Variants in OLFM3 observed in about 807,000 individuals in gnomAD.
OLFM3 encodes the protein olfactomedin 3.
A neutral mutation model predicts 48.6 loss-of-function variants in OLFM3; 20 were observed. The ratio of observed to expected loss-of-function variants is 0.41; its 90% CI spans 0.29 to 0.60. The LOEUF (loss-of-function observed/expected upper bound fraction) is 0.60. Ranked by LOEUF, OLFM3 falls within the 20% of genes least tolerant of loss-of-function variation. OLFM3 has a pLI of 0.28. For missense variants in OLFM3, 437 were observed against 544.3 expected (o/e 0.80, Z 1.96); for synonymous variants, 222 against 198.1 (o/e 1.12, Z -1.01).
At chr1:101,907,726 C>A (rs1460170182) in intron 1 of OLFM3, among the ~76,000 whole-genome samples, 2 of 152,166 alleles carry the variant, frequency 1.3e-5, no homozygotes, top group Non-Finnish European at 2.9e-5. Context: ...AGACAAAAGT[C>A]GCTAATCAGT....
chr1:101,988,331 A>C (rs2101117874), intron 1 of OLFM3, among the ~76,000 whole-genome samples: 1 of 152,232 alleles, frequency 6.6e-6, no homozygotes. Context: ...GCATCATGAA[A>C]CACAGATAAT....
chr1:101,984,100 C>T (rs748019503), intron 1 of OLFM3, among the ~76,000 whole-genome samples: 1 of 151,948 alleles, frequency 6.6e-6, no homozygotes, highest in Non-Finnish European at 1.5e-5. Flanking sequence ...ATTAGCTGAG[C>T]GTGGTGCCAC....
At chr1:101,994,935 A>T (rs1157265248) in intron 1 of OLFM3, among the ~76,000 whole-genome samples, 2 of 152,046 alleles carry the variant, frequency 1.3e-5, no homozygotes, top group Admixed American at 1.3e-4. Context: ...GAATACACAC[A>T]AATAAACTCA....
intron 4 of OLFM3, among the ~76,000 whole-genome samples, chr1:101,814,803 A>G (rs969336790): frequency 6.6e-6 from 1 of 152,224 alleles, no homozygotes; most frequent in African/African-American, 2.4e-5. Context: ...AAGATTAAAT[A>G]AAAAATATGG....
chr1:101,956,893 T>C (rs1466339760), intron 1 of OLFM3, among the ~76,000 whole-genome samples: 2 of 151,900 alleles, frequency 1.3e-5, no homozygotes, highest in South Asian at 2.1e-4. Context: ...TGACATGATA[T>C]AATAACTAAT....
chr1:101,957,925 G>T (rs1384806980), intron 1 of OLFM3, among the ~76,000 whole-genome samples: 4 of 152,042 alleles, frequency 2.6e-5, no homozygotes, highest in African/African-American at 9.7e-5. Flanking sequence ...CATAATGCCT[G>T]CATTTAACTG....
intron 1 of OLFM3, among the ~76,000 whole-genome samples, chr1:101,958,009 C>T (rs948216854): frequency 6.6e-6 from 1 of 152,002 alleles, no homozygotes; most frequent in Non-Finnish European, 1.5e-5. Context: ...ATTTATGTGG[C>T]TAAATGAATG....
At chr1:101,939,624 T>G (rs1659726055) in intron 1 of OLFM3, among the ~76,000 whole-genome samples, 1 of 152,170 alleles carries the variant, frequency 6.6e-6, no homozygotes, top group African/African-American at 2.4e-5. Flanking sequence ...ATTGAAAGTC[T>G]ATCATATGGA....
chr1:101,835,277 A>G (rs1306362356), intron 2 of OLFM3, among the ~76,000 whole-genome samples: 1 of 152,240 alleles, frequency 6.6e-6, no homozygotes, highest in African/African-American at 2.4e-5. Flanking sequence ...AACAAAATAT[A>G]TATTTGAATT....
chr1:101,804,526 C>G lies in OLFM3; in HGVS notation c.1089G>C (p.Lys363Asn), dbSNP rs193048401. ...QLNQDTLEVM[K>N]SWSTGYPKRS... The stretch of plus-strand genomic sequence containing the variant: ...TCTTGGGGTAGCCAGTGCTCCAGCT[C>G]TTCATCACCTCCAAGGTATCTTGGT... Residue 363 changes from lysine to asparagine, a missense_variant, in exon 6 of 6, where the codon AAG (lysine) becomes AAC (asparagine). Lys to Asn is a moderately conservative substitution (Grantham distance 94). Coordinates refer to ENST00000370103, the MANE Select transcript of OLFM3 (RefSeq NM_058170.4). The surrounding 1 kb of genome is among the most constrained non-coding windows in gnomAD (Gnocchi z 4.5). 1,207 of 1,612,724 alleles carry G rather than the reference C, an allele frequency of 7.5e-4. 1 individual carries two copies. The highest frequency in any genetic ancestry group is 8.1e-4 in the Non-Finnish European group (961 of 1,179,176).
chr1:101,858,398 A>C (rs2100958761), intron 1 of OLFM3, among the ~76,000 whole-genome samples: 1 of 152,144 alleles, frequency 6.6e-6, no homozygotes, highest in East Asian at 1.9e-4. Context: ...AATGCAATTA[A>C]CTCTGACTCA....
chr1:101,879,040 T>A lies in OLFM3; in HGVS notation c.70-42015A>T, dbSNP rs145701917. The stretch of plus-strand genomic sequence containing the variant: ...ACAAGGGAGGGAAGCAGAGAAGGGA[T>A]AATTTGGAATGAACTGAATTATCAC... On this transcript the variant is annotated intron_variant, in intron 1 of 5. Coordinates refer to ENST00000370103, the MANE Select transcript of OLFM3 (RefSeq NM_058170.4). Among the ~76,000 whole-genome samples, 12 of 151,966 alleles carry A rather than the reference T, an allele frequency of 7.9e-5. No individual in the cohort carries two copies. The East Asian group carries it at 1.9e-3, about 25-fold the overall frequency.
chr1:101,883,615 G>C (rs1657623756), intron 1 of OLFM3, among the ~76,000 whole-genome samples: 1 of 151,762 alleles, frequency 6.6e-6, no homozygotes. Context: ...GCATGTTCTA[G>C]TTACTTGGCT....
Position 101,804,512 on chromosome 1 carries a change from C to T in OLFM3, c.1103G>A (p.Gly368Asp). The change falls in exon 6 of 6, where the codon GGC (glycine) becomes GAC (aspartate). Residue 368 changes from glycine to aspartate, a missense_variant. This residue lies in a region of OLFM3 where 108 missense variants were observed against 135.8 expected (regional missense o/e 0.80). Transcript: ENST00000370103. This position sits in a 1 kb window ranked among gnomAD's most constrained non-coding sequence, Gnocchi z 4.5. ...TTCCCCTGCACTTCTCTTGGGGTAGCCAGTGCTCCAGCTCTTCATCACCTC... is the reference window on the plus strand; with the variant it reads ...TTCCCCTGCACTTCTCTTGGGGTAGTCAGTGCTCCAGCTCTTCATCACCTC... The part of the protein sequence containing the change: ...TLEVMKSWST[G>D]YPKRSAGESF... 6.2e-7 allele frequency: 1 copy of T among 1,612,654 alleles called. No homozygotes were observed. Among genetic ancestry groups the T allele is most frequent in the South Asian group, 1.1e-5 (1 of 91,046 alleles).
chr1:101,861,352 G>A (rs952414166), intron 1 of OLFM3, among the ~76,000 whole-genome samples: 29 of 150,524 alleles, frequency 1.9e-4, no homozygotes, highest in African/African-American at 4.2e-4. Context: ...ATGAGCCACC[G>A]TGCCCGGAGA....
At chr1:101,836,325 A>G (rs560666670) in intron 2 of OLFM3, among the ~76,000 whole-genome samples, 19 of 152,364 alleles carry the variant, frequency 1.2e-4, no homozygotes, top group African/African-American at 4.1e-4. Flanking sequence ...AATCAAAGAC[A>G]TTCTGCATTT....
intron 1 of OLFM3, among the ~76,000 whole-genome samples, chr1:101,911,309 G>A (rs1557727379): frequency 6.6e-6 from 1 of 152,118 alleles, no homozygotes; most frequent in Non-Finnish European, 1.5e-5. Flanking sequence ...AAAAAGTAAT[G>A]AGAATTTAAA....
chr1:101,920,405 G>A (rs1022665023), intron 1 of OLFM3, among the ~76,000 whole-genome samples: 1 of 152,126 alleles, frequency 6.6e-6, no homozygotes, highest in African/African-American at 2.4e-5. Flanking sequence ...CAGGGTATTT[G>A]TCTCCTTTAT....
At chr1:101,849,885 AATTT>A (rs1656157443) in intron 1 of OLFM3, among the ~76,000 whole-genome samples, 1 of 152,166 alleles carries the variant, frequency 6.6e-6, no homozygotes, top group East Asian at 1.9e-4. Flanking sequence ...AAGAAGATAG[AATTT>A]ATTGTCAGCT....
Sources: gnomAD v4.1 joint callset for allele counts (sites outside exome capture counted in the v4.1 genomes callset) on GRCh38, gnomAD v4.1.1 for gene constraint, gnomAD v4.1.1 regional missense constraint, Gnocchi (gnomAD v3.1) non-coding constraint, MANE v1.5 for transcripts, NCBI Gene and HGNC (gene_info 2026-07-23, HGNC 2026-07-21) for gene names.